Variants in MAP2K4 observed in about 807,000 individuals in gnomAD.
MAP2K4 encodes the protein dual specificity mitogen-activated protein kinase kinase 4.
MAP2K4 carries 4 observed loss-of-function variants against 48.5 expected under a neutral mutation model. The ratio of observed to expected loss-of-function variants is 0.08; its 90% CI spans 0.04 to 0.19. The LOEUF is 0.19. Among genes scored for constraint, MAP2K4 ranks in the 10% least tolerant of loss-of-function variants. MAP2K4 has a pLI of 1.00. For synonymous variants in MAP2K4, 166 were observed against 173.1 expected (o/e 0.96, Z 0.32); for missense variants, 258 against 493.3 (o/e 0.52, Z 4.52).
At chr17:12,079,143 A>G (rs566498229) in intron 2 of MAP2K4, among the ~76,000 whole-genome samples, 2 of 106,088 alleles carry the variant, frequency 1.9e-5, no homozygotes, top group South Asian at 4.3e-4. Context: ...CTTTTAGTAT[A>G]TTTAGTATAT....
intron 3 of MAP2K4, among the ~76,000 whole-genome samples, chr17:12,087,181 GGT>G (rs1252579784): frequency 3.9e-5 from 6 of 151,960 alleles, no homozygotes; most frequent in Admixed American, 3.9e-4. Context: ...ACTCTGCGTG[GGT>G]GTCATTTGAA....
At position 12,110,441 on chromosome 17, in the gene MAP2K4, G is replaced by C; in HGVS notation, c.685+15G>C. On this transcript the variant is annotated intron_variant, in intron 6 of 10. Transcript: ENST00000353533. Reference sequence around the variant, plus strand: ...TATTCACAGAGGTGGGTATGGATTGGTATTTTTTGTAATAGAAATTAACTT... The same window carrying C: ...TATTCACAGAGGTGGGTATGGATTGCTATTTTTTGTAATAGAAATTAACTT... The C allele has an allele frequency of 1.3e-6, 2 of 1,572,486 alleles. No individual in the cohort carries two copies. The highest frequency in any genetic ancestry group is 1.7e-5 in the Admixed American group (1 of 58,814).
chr17:12,126,688 A>G (rs1229284948), intron 8 of MAP2K4, among the ~76,000 whole-genome samples: 1 of 152,016 alleles, frequency 6.6e-6, no homozygotes, highest in Non-Finnish European at 1.5e-5. Flanking sequence ...GCTTCAACAT[A>G]TGGATTTGCT....
At chr17:12,109,585 T>G (rs1972238578) in intron 5 of MAP2K4, among the ~76,000 whole-genome samples, 1 of 152,206 alleles carries the variant, frequency 6.6e-6, no homozygotes, top group Admixed American at 6.5e-5. Flanking sequence ...TGTAATTTTC[T>G]GATCATGATC....
chr17:12,095,056 T>C (rs1337047337), intron 3 of MAP2K4, among the ~76,000 whole-genome samples: 2 of 152,176 alleles, frequency 1.3e-5, no homozygotes, highest in Non-Finnish European at 2.9e-5. Flanking sequence ...ATACTAGTAT[T>C]CACTTTATCC....
intron 1 of MAP2K4, among the ~76,000 whole-genome samples, chr17:12,039,650 A>G (rs938991661): frequency 2.6e-5 from 4 of 152,178 alleles, no homozygotes; most frequent in East Asian, 1.9e-4. Flanking sequence ...GAACAAAACA[A>G]TATTACTAGA....
At chr17:12,048,990 T>C (rs2151521756) in intron 1 of MAP2K4, among the ~76,000 whole-genome samples, 1 of 152,228 alleles carries the variant, frequency 6.6e-6, no homozygotes, top group South Asian at 2.1e-4. Flanking sequence ...TTATGAAATA[T>C]TAGGTCTCTC....
chr17:12,126,488 G>A (rs1389844895), intron 8 of MAP2K4, among the ~76,000 whole-genome samples: 1 of 152,166 alleles, frequency 6.6e-6, no homozygotes, highest in Non-Finnish European at 1.5e-5. Flanking sequence ...AGATTTGGTG[G>A]CTAGTGAGGG....
At chr17:12,064,971 A>G (rs1387746395) in intron 2 of MAP2K4, among the ~76,000 whole-genome samples, 1 of 152,216 alleles carries the variant, frequency 6.6e-6, no homozygotes, top group Non-Finnish European at 1.5e-5. Context: ...GAACATACTG[A>G]TTCTATCTCT....
intron 2 of MAP2K4, among the ~76,000 whole-genome samples, chr17:12,058,364 C>G (rs1414421207): frequency 3.3e-5 from 5 of 151,870 alleles, no homozygotes; most frequent in Non-Finnish European, 7.4e-5. Context: ...TGCGCCTGGC[C>G]TAGAACTTCC....
intron 1 of MAP2K4, among the ~76,000 whole-genome samples, chr17:12,046,361 T>G (rs1969964012): frequency 6.6e-6 from 1 of 152,152 alleles, no homozygotes; most frequent in Non-Finnish European, 1.5e-5. Flanking sequence ...GCTTTTTATA[T>G]TTTGTTGGTG....
chr17:12,107,900 C>T lies in MAP2K4; in HGVS notation c.624C>T (p.Ile208=), dbSNP rs1228753108. ...TTCCAGAAGAAATTTTAGGCAAAAT[C>T]ACTTTAGCAGTAAGTACCTGGTCTT... ...DVIPEEILGK[I]TLATVKALNH... Residue 208 remains isoleucine (I), a synonymous_variant, in exon 5 of 11, where the codon ATC becomes ATT. Transcript: ENST00000353533. 6.3e-7 allele frequency: 1 copy of T among 1,594,222 alleles called. No homozygotes were observed. The highest frequency in any genetic ancestry group is 1.4e-5 in the African/African-American group (1 of 73,584).
chr17:12,117,926 T>TG (rs1418280091), intron 7 of MAP2K4, among the ~76,000 whole-genome samples: 2 of 152,078 alleles, frequency 1.3e-5, no homozygotes, highest in Admixed American at 1.3e-4. Flanking sequence ...TAGCTAAAAA[T>TG]GAAGATCTTG....
chr17:12,115,643 G>A lies in MAP2K4; in HGVS notation c.813+2283G>A, dbSNP rs903344245. 51 of 749,782 alleles carry A rather than the reference G, an allele frequency of 6.8e-5. 1 individual carries two copies. The highest frequency in any genetic ancestry group is 4.7e-4 in the Middle Eastern group (2 of 4,266). 46.4% of individuals were successfully genotyped at this position (749,782 alleles called of 1,614,324 possible). A position where few individuals can be genotyped will look rare whatever the true frequency, so the allele number is the denominator to read the frequency against. On this transcript the variant is annotated intron_variant, in intron 7 of 10. Coordinates refer to ENST00000353533, the MANE Select transcript of MAP2K4 (RefSeq NM_003010.4). ...ATAGAAAGCACAATTGGTGGTTAACGCTTATTAACACAGCAAAGTGAACCA... is the reference window on the plus strand; with the variant it reads ...ATAGAAAGCACAATTGGTGGTTAACACTTATTAACACAGCAAAGTGAACCA...
At chr17:12,136,897 T>C (rs759918267) in intron 9 of MAP2K4, among the ~76,000 whole-genome samples, 1 of 150,828 alleles carries the variant, frequency 6.6e-6, no homozygotes, top group Non-Finnish European at 1.5e-5. Context: ...GTATTCCAGG[T>C]CATTTTTCAT....
intron 2 of MAP2K4, among the ~76,000 whole-genome samples, chr17:12,062,528 G>C (rs1391713464): frequency 1.3e-5 from 2 of 152,018 alleles, no homozygotes; most frequent in Non-Finnish European, 2.9e-5. Context: ...TAGAGGACAG[G>C]GTCTTGCTAT....
intron 3 of MAP2K4, among the ~76,000 whole-genome samples, chr17:12,091,200 AT>A (rs1971550953): frequency 6.6e-6 from 1 of 152,234 alleles, no homozygotes; most frequent in Non-Finnish European, 1.5e-5. Context: ...ATGAGGCTAA[AT>A]ATTATTCAAG....
intron 7 of MAP2K4, 51 bp downstream of exon 7, chr17:12,113,411 C>A: frequency 6.3e-7 from 1 of 1,592,990 alleles, no homozygotes; most frequent in Non-Finnish European, 8.6e-7. Flanking sequence ...CACAGAGAGC[C>A]TGTGCTCTTT....
At chr17:12,087,056 A>C (rs1461703998) in intron 3 of MAP2K4, among the ~76,000 whole-genome samples, 3 of 152,052 alleles carry the variant, frequency 2.0e-5, no homozygotes, top group Non-Finnish European at 4.4e-5. Context: ...CATGTTGGCT[A>C]GGCTGGTCTT....
Sources: allele counts gnomAD v4.1 joint callset (sites outside exome capture counted in the v4.1 genomes callset), GRCh38; gene constraint gnomAD v4.1.1; transcripts MANE v1.5; gene names NCBI Gene and HGNC (gene_info 2026-07-23, HGNC 2026-07-21).